Variants in NCOA6 observed in about 807,000 individuals in gnomAD.
NCOA6 encodes the protein NRC RAP250.
In NCOA6, 49 loss-of-function variants were observed where a neutral mutation model predicts 171.4. The ratio of observed to expected loss-of-function variants is 0.29; its 90% CI spans 0.23 to 0.36. The LOEUF (loss-of-function observed/expected upper bound fraction) is 0.36. Ranked by LOEUF, NCOA6 falls within the 10% of genes least tolerant of loss-of-function variation. NCOA6 has a pLI of 1.00. For missense variants in NCOA6, 2,248 were observed against 2,554.5 expected, an observed-to-expected ratio of 0.88 and a Z score of 2.59; for synonymous variants, 910 against 927.5, an observed-to-expected ratio of 0.98 and a Z score of 0.34.
At chr20:34,729,870 A>G (rs1428489475) in intron 13 of NCOA6, among the ~76,000 whole-genome samples, 1 of 152,086 alleles carries the variant, frequency 6.6e-6, no homozygotes, top group Non-Finnish European at 1.5e-5. Context: ...ATTCACTCCC[A>G]TAGCTTTATG....
Position 34,765,847 on chromosome 20 carries a change from T to C in NCOA6, c.514+2617A>G, listed in dbSNP as rs181520177. ...TATCCCCACAAATCTTGGAATTCTA[T>C]AAGGCTATGAAAAAAAACAGGCTAT... On this transcript the variant is annotated intron_variant, in intron 5 of 14. Transcript: ENST00000359003. Among the ~76,000 whole-genome samples, 5 of 152,270 alleles carry C rather than the reference T, an allele frequency of 3.3e-5. No individual in the cohort carries two copies. In the East Asian group the frequency reaches 9.6e-4, roughly 29 times the overall value.
intron 1 of NCOA6, among the ~76,000 whole-genome samples, chr20:34,812,152 C>G (rs1771282466): frequency 1.3e-5 from 2 of 151,836 alleles, no homozygotes; most frequent in South Asian, 4.1e-4. Flanking sequence ...ACTTGGGAGG[C>G]TGAGGCATGA....
chr20:34,744,600 T>G (rs887642811), intron 10 of NCOA6, among the ~76,000 whole-genome samples: 1 of 152,232 alleles, frequency 6.6e-6, no homozygotes, highest in African/African-American at 2.4e-5. Flanking sequence ...ACTCAATTAA[T>G]GTCTTCTGGC....
At chr20:34,777,965 T>C (rs1303474895) in intron 3 of NCOA6, among the ~76,000 whole-genome samples, 1 of 152,180 alleles carries the variant, frequency 6.6e-6, no homozygotes, top group Non-Finnish European at 1.5e-5. Flanking sequence ...TGGAGTGCAA[T>C]GGCATGATCT....
chr20:34,728,498 G>A (rs73106953), intron 13 of NCOA6, among the ~76,000 whole-genome samples: 5,489 of 152,172 alleles, frequency 0.036, 142 homozygotes, highest in Middle Eastern at 0.054. Context: ...GGGTGCTACC[G>A]GAATCTTTTG....
At chr20:34,795,530 C>G (rs142564752) in intron 1 of NCOA6, among the ~76,000 whole-genome samples, 3 of 152,164 alleles carry the variant, frequency 2.0e-5, no homozygotes, top group Non-Finnish European at 4.4e-5. Context: ...AAAACGTAAT[C>G]TGACAGAACT....
chr20:34,773,943 C>T (rs903771090), intron 4 of NCOA6, among the ~76,000 whole-genome samples: 1 of 152,218 alleles, frequency 6.6e-6, no homozygotes, highest in African/African-American at 2.4e-5. Flanking sequence ...ATCTGGGACA[C>T]ACATGTAGCC....
At chr20:34,823,798 G>T (rs1480362219) in intron 1 of NCOA6, among the ~76,000 whole-genome samples, 2 of 152,072 alleles carry the variant, frequency 1.3e-5, no homozygotes, top group African/African-American at 4.8e-5. Flanking sequence ...GACCTCCCAG[G>T]CTCAAGCGAT....
intron 11 of NCOA6, 80 bp downstream of exon 11, chr20:34,740,283 A>C: frequency 1.3e-6 from 2 of 1,505,800 alleles, no homozygotes; most frequent in South Asian, 2.7e-5. Context: ...CTCCAAGTAA[A>C]AAAGGAGTCA....
rs768490794 is a variant in NCOA6 at position 34,757,327 on chromosome 20, G to A, written c.1421C>T (p.Pro474Leu). The A allele has an allele frequency of 6.2e-6, 10 of 1,614,034 alleles. No individual in the cohort carries two copies. Among genetic ancestry groups the A allele is most frequent in the Admixed American group, 3.3e-5 (2 of 59,994 alleles). ...PQGFQQPVSS[P>L]GRNPMVQQGN... ...CTGTTGAACCATAGGATTCCGACCC[G>A]GAGAGCTGACAGGCTGCTGAAATCC... The change falls in exon 7 of 15, where the codon CCG (proline) becomes CTG (leucine). Residue 474 changes from proline to leucine, a missense_variant. Pro to Leu is a moderately conservative substitution (Grantham distance 98, BLOSUM62 -3). This residue lies in a region of NCOA6 where 987 missense variants were observed against 1,104.7 expected (regional missense o/e 0.89). Transcript: ENST00000359003.
At chr20:34,748,256 A>T (rs983567264) in intron 9 of NCOA6, among the ~76,000 whole-genome samples, 4 of 152,212 alleles carry the variant, frequency 2.6e-5, no homozygotes, top group African/African-American at 9.6e-5. Context: ...ACTGAGAAAG[A>T]GCTATCAGAA....
rs574148059 is a variant in NCOA6, at chr20:34,760,889, T to TTA, written c.515-1957_515-1956insTA. Reference sequence around the variant, plus strand: ...TGTGCCCTCTTTTTTTCCTTGGTGGTCTTAGCACATTCATCAGTTTTAGCT... The same window carrying TTA: ...TGTGCCCTCTTTTTTTCCTTGGTGGTTACTTAGCACATTCATCAGTTTTAGCT... On this transcript the variant is annotated intron_variant, in intron 5 of 14. Transcript: ENST00000359003. Among the ~76,000 whole-genome samples, 384 of 152,276 alleles carry TTA rather than the reference T, an allele frequency of 2.5e-3. 1 individual carries two copies. The highest frequency in any genetic ancestry group is 8.7e-3 in the African/African-American group (361 of 41,560).
At chr20:34,790,898 G>A (rs966782577) in intron 2 of NCOA6, among the ~76,000 whole-genome samples, 1 of 152,070 alleles carries the variant, frequency 6.6e-6, no homozygotes, top group South Asian at 2.1e-4. Flanking sequence ...TGATACACCC[G>A]CCTCAGCCTC....
At chr20:34,810,758 G>A (rs57357749) in intron 1 of NCOA6, among the ~76,000 whole-genome samples, 4,374 of 151,764 alleles carry the variant, frequency 0.029, 222 homozygotes, top group African/African-American at 0.1. Context: ...CGGTTTCACC[G>A]TGGTCTCGAT....
In NCOA6 at chr20:34,768,605, A is replaced by AT; in HGVS notation, c.392-20dup. Reference sequence around the variant, plus strand: ...CCTTCCCCTGAAAATGAGTCAAGTGATAAAAAGGAAATCATTAGAATAAAA... The same window carrying AT: ...CCTTCCCCTGAAAATGAGTCAAGTGATTAAAAAGGAAATCATTAGAATAAAA... On this transcript the variant is annotated intron_variant, in intron 4 of 14. Coordinates refer to ENST00000359003, the MANE Select transcript of NCOA6 (RefSeq NM_014071.5). 6.2e-7 allele frequency: 1 copy of AT among 1,611,738 alleles called. No homozygotes were observed. Among genetic ancestry groups the AT allele is most frequent in the South Asian group, 1.1e-5 (1 of 90,512 alleles).
Position 34,742,715 on chromosome 20 carries a change from G to C in NCOA6, c.3541C>G (p.Pro1181Ala). 6.2e-7 allele frequency: 1 copy of C among 1,614,138 alleles called. No individual in the cohort carries two copies. Among genetic ancestry groups the C allele is most frequent in the South Asian group, 1.1e-5 (1 of 91,078 alleles). The change falls in exon 11 of 15, where the codon CCC becomes GCC. Residue 1181 changes from proline (P) to alanine (A), a missense_variant. This residue lies in a region of NCOA6 where 352 missense variants were observed against 419.1 expected (regional missense o/e 0.84). Transcript: ENST00000359003. The stretch of plus-strand genomic sequence containing the variant: ...AGGGAATTTACAGGGGGTTGCTGGG[G>C]AGTTGCACCTTGAGTTGCTGAAAGG... ...SPLSATQGAT[P>A]QQPPVNSLPS...
intron 1 of NCOA6, among the ~76,000 whole-genome samples, chr20:34,804,226 A>T (rs1003519059): frequency 1.3e-5 from 2 of 151,306 alleles, no homozygotes; most frequent in African/African-American, 4.9e-5. Context: ...AGTCCCAGCT[A>T]TTCAGGAGGC....
At chr20:34,802,528 G>A (rs2078289759) in intron 1 of NCOA6, among the ~76,000 whole-genome samples, 2 of 152,018 alleles carry the variant, frequency 1.3e-5, no homozygotes, top group African/African-American at 4.8e-5. Context: ...TTCAACCAGG[G>A]AGTCGGAAGT....
intron 1 of NCOA6, among the ~76,000 whole-genome samples, chr20:34,814,475 G>A (rs955772247): frequency 5.3e-5 from 8 of 152,028 alleles, no homozygotes; most frequent in East Asian, 1.9e-4. Context: ...AGAAAAGTAC[G>A]TCAATATATT....
Sources: allele counts gnomAD v4.1 joint callset (sites outside exome capture counted in the v4.1 genomes callset), GRCh38; gene constraint gnomAD v4.1.1; regional missense constraint gnomAD v4.1.1; transcripts MANE v1.5; gene names NCBI Gene and HGNC (gene_info 2026-07-23, HGNC 2026-07-21).